The following CTNND2 variants were observed in gnomAD, a reference collection of about 807,000 sequenced individuals.
CTNND2 encodes catenin delta 2, also known as catenin delta-2.
Under a neutral mutation model 144.4 loss-of-function variants are expected in CTNND2, and 22 were observed. The observed-to-expected ratio is 0.15, with a 90% CI of 0.11 to 0.22. The LOEUF (loss-of-function observed/expected upper bound fraction) is 0.22. Among genes scored for constraint, CTNND2 ranks in the 10% least tolerant of loss-of-function variants. The pLI, the probability that CTNND2 is intolerant of heterozygous loss-of-function variation, is 1.00. For synonymous variants in CTNND2, 751 were observed against 695.6 expected, an observed-to-expected ratio of 1.08 and a Z score of -1.25; for missense variants, 1,353 against 1,618.8, an observed-to-expected ratio of 0.84 and a Z score of 2.82.
chr5:11,879,611 T>A (rs979905513), intron 1 of CTNND2, among the ~76,000 whole-genome samples: 1 of 151,950 alleles, frequency 6.6e-6, no homozygotes, highest in African/African-American at 2.4e-5. Flanking sequence ...GATAAGCTTT[T>A]GACATTCTTT....
At chr5:11,351,705 A>T (rs777315743) in intron 8 of CTNND2, among the ~76,000 whole-genome samples, 12 of 152,178 alleles carry the variant, frequency 7.9e-5, no homozygotes, top group Non-Finnish European at 1.5e-4. Flanking sequence ...GGGAAATACA[A>T]GGTAATGTTC....
At chr5:11,455,006 C>CTTT (rs75755559) in intron 3 of CTNND2, among the ~76,000 whole-genome samples, 21 of 141,784 alleles carry the variant, frequency 1.5e-4, no homozygotes, top group African/African-American at 4.4e-4. Context: ...TAATTTAACT[C>CTTT]TTTTTTTTTT....
chr5:11,744,151 C>G (rs1274765460), intron 1 of CTNND2, among the ~76,000 whole-genome samples: 2 of 152,184 alleles, frequency 1.3e-5, no homozygotes, highest in African/African-American at 4.8e-5. Context: ...GTTTCTAAAG[C>G]ATGATCTCAG....
chr5:11,438,007 A>G (rs544436399), intron 3 of CTNND2, among the ~76,000 whole-genome samples: 24 of 152,180 alleles, frequency 1.6e-4, no homozygotes, highest in Non-Finnish European at 2.9e-4. Context: ...CAGCATTCTC[A>G]GGGTATGTGT....
rs1410968767 is a variant in CTNND2 at position 11,250,512 on chromosome 5, T to C, written c.1629-13689A>G. ...CTCTCTATATATATATATATATATA[T>C]ACATATATTTTTTTTTTTTTTTAGA... On this transcript the variant is annotated intron_variant, in intron 9 of 21. Transcript: ENST00000304623. Among the ~76,000 whole-genome samples the C allele has an allele frequency of 6.4e-3, 465 of 72,424 alleles. 10 individuals are homozygous for C. Among genetic ancestry groups the C allele is most frequent in the African/African-American group, 0.033 (445 of 13,488 alleles). The allele number at this position is 72,424 out of a possible 152,430, so 47.5% of individuals were successfully genotyped here.
chr5:11,103,706 A>G (rs1464296979), intron 14 of CTNND2, among the ~76,000 whole-genome samples: 1 of 150,072 alleles, frequency 6.7e-6, no homozygotes, highest in Non-Finnish European at 1.5e-5. Context: ...CTGAAAGTAA[A>G]GATGTCAACA....
intron 2 of CTNND2, among the ~76,000 whole-genome samples, chr5:11,597,294 G>A (rs937131023): frequency 6.6e-6 from 1 of 152,116 alleles, no homozygotes; most frequent in Non-Finnish European, 1.5e-5. Flanking sequence ...AACTGATATT[G>A]CATTATTTGA....
intron 9 of CTNND2, among the ~76,000 whole-genome samples, chr5:11,320,329 T>A (rs906955060): frequency 6.6e-6 from 1 of 152,234 alleles, no homozygotes; most frequent in Non-Finnish European, 1.5e-5. Context: ...TCAGTTTTTT[T>A]TCTCCACTAG....
intron 10 of CTNND2, among the ~76,000 whole-genome samples, chr5:11,233,769 C>A (rs758066522): frequency 6.6e-6 from 1 of 151,590 alleles, no homozygotes; most frequent in African/African-American, 2.4e-5. Context: ...CACATATGCA[C>A]GCCTCCCTAT....
At chr5:11,699,103 C>T (rs1228435832) in intron 2 of CTNND2, among the ~76,000 whole-genome samples, 1 of 151,846 alleles carries the variant, frequency 6.6e-6, no homozygotes, top group Admixed American at 6.6e-5. Flanking sequence ...AAAAGAGTTA[C>T]TTTAAAAAAA....
chr5:11,708,180 G>C (rs1009887754), intron 2 of CTNND2, among the ~76,000 whole-genome samples: 4 of 151,792 alleles, frequency 2.6e-5, no homozygotes, highest in Non-Finnish European at 5.9e-5. Flanking sequence ...CCAAGTAGCT[G>C]GGACTACAGG....
At chr5:11,026,359 T>TC (rs1742834287) in intron 16 of CTNND2, among the ~76,000 whole-genome samples, 1 of 145,902 alleles carries the variant, frequency 6.9e-6, no homozygotes, top group African/African-American at 2.6e-5. Context: ...TCTTCTTCTT[T>TC]TTTTTTTTTT....
intron 5 of CTNND2, among the ~76,000 whole-genome samples, chr5:11,408,082 G>C (rs1379754011): frequency 2.0e-5 from 3 of 152,182 alleles, no homozygotes; most frequent in Admixed American, 6.5e-5. Flanking sequence ...ATAGTTCCTT[G>C]ATTTCCCTTA....
At chr5:11,336,661 T>C (rs913478919) in intron 9 of CTNND2, among the ~76,000 whole-genome samples, 1 of 152,206 alleles carries the variant, frequency 6.6e-6, no homozygotes, top group Non-Finnish European at 1.5e-5. Flanking sequence ...TATATATAAA[T>C]ACATGTGTTT....
intron 2 of CTNND2, among the ~76,000 whole-genome samples, chr5:11,691,180 G>C (rs1353730670): frequency 6.6e-6 from 1 of 152,050 alleles, no homozygotes; most frequent in Non-Finnish European, 1.5e-5. Flanking sequence ...GACCATCCTG[G>C]CTAACATGGG....
chr5:11,670,678 T>A lies in CTNND2; in HGVS notation c.174+61458A>T, dbSNP rs147425907. On this transcript the variant is annotated intron_variant, in intron 2 of 21. Coordinates refer to ENST00000304623, the MANE Select transcript of CTNND2 (RefSeq NM_001332.4). ...TTGAACCTATGTGTGTCTTTCCATA[T>A]GAGATGGTCTCCTGAATACAGCACA... Among the ~76,000 whole-genome samples, 789 of 133,484 alleles carry A rather than the reference T, an allele frequency of 5.9e-3. 5 individuals are homozygous for A. The highest frequency in any genetic ancestry group is 0.016 in the South Asian group (72 of 4,642). 87.6% of individuals were successfully genotyped at this position (133,484 alleles called of 152,430 possible). A position where few individuals can be genotyped will look rare whatever the true frequency, so the allele number is the denominator to read the frequency against.
chr5:11,527,517 C>T (rs1773365344), intron 3 of CTNND2, among the ~76,000 whole-genome samples: 1 of 152,104 alleles, frequency 6.6e-6, no homozygotes, highest in Non-Finnish European at 1.5e-5. Flanking sequence ...TCGAGGTCTC[C>T]CCACCTTTGC....
chr5:11,224,666 A>G (rs1460913206), intron 10 of CTNND2, among the ~76,000 whole-genome samples: 4 of 152,160 alleles, frequency 2.6e-5, no homozygotes. Flanking sequence ...CCAACCTCAC[A>G]GGAGAGCTTC....
chr5:11,385,069 G>T lies in CTNND2; in HGVS notation c.773C>A (p.Thr258Lys). 1.8e-6 allele frequency: 2 copies of T among 1,086,278 alleles called. No homozygotes were observed. Among genetic ancestry groups the T allele is most frequent in the Non-Finnish European group, 2.2e-6 (2 of 901,208 alleles). The allele number at this position is 1,086,278 out of a possible 1,614,324, so 67.3% of individuals were successfully genotyped here. Reference protein sequence around the residue: ...AAAALYYSSSTLPAPPRGGSP... With the variant: ...AAAALYYSSSKLPAPPRGGSP... ...GCCCCCGCGCGGCGGCGCGGGCAGC[G>T]TGGAGCTGGAGTAGTAGAGCGCGGC... Residue 258 changes from threonine to lysine, a missense_variant, in exon 7 of 22, where the codon ACG (threonine) becomes AAG (lysine). Physicochemically the swap from Thr to Lys is moderately conservative, Grantham distance 78. Coordinates refer to ENST00000304623, the MANE Select transcript of CTNND2 (RefSeq NM_001332.4).
Sources: allele counts gnomAD v4.1 joint callset (sites outside exome capture counted in the v4.1 genomes callset), GRCh38; gene constraint gnomAD v4.1.1; transcripts MANE v1.5; gene names NCBI Gene and HGNC (gene_info 2026-07-23, HGNC 2026-07-21).